Variants in PTPRD observed in about 807,000 individuals in gnomAD.
The protein encoded by PTPRD is receptor-type tyrosine-protein phosphatase delta.
A neutral mutation model predicts 214.5 loss-of-function variants in PTPRD; 34 were observed. The ratio of observed to expected loss-of-function variants is 0.16; its 90% CI spans 0.12 to 0.21. The LOEUF is 0.21. Among genes scored for constraint, PTPRD ranks in the 10% least tolerant of loss-of-function variants. PTPRD has a pLI of 1.00. For synonymous variants in PTPRD, 1,128 were observed against 845.7 expected, an observed-to-expected ratio of 1.33 and a Z score of -5.79; for missense variants, 2,545 against 2,398.7, an observed-to-expected ratio of 1.06 and a Z score of -1.27.
chr9:10,496,785 C>G (rs943225822), intron 2 of PTPRD, among the ~76,000 whole-genome samples: 1 of 151,990 alleles, frequency 6.6e-6, no homozygotes. Context: ...GGTACTTTGC[C>G]CACACTTTAA....
chr9:9,797,084 A>G (rs919222224), intron 5 of PTPRD, among the ~76,000 whole-genome samples: 3 of 151,972 alleles, frequency 2.0e-5, no homozygotes, highest in African/African-American at 7.3e-5. Context: ...ACTGTACTTT[A>G]AAGAAATACA....
At chr9:10,513,452 A>G (rs2048965369) in intron 2 of PTPRD, among the ~76,000 whole-genome samples, 1 of 152,116 alleles carries the variant, frequency 6.6e-6, no homozygotes, top group Non-Finnish European at 1.5e-5. Context: ...AAAGTGAGAG[A>G]AGAAATTGGG....
At chr9:9,419,808 G>C (rs1306497687) in intron 8 of PTPRD, among the ~76,000 whole-genome samples, 1 of 151,618 alleles carries the variant, frequency 6.6e-6, no homozygotes, top group Admixed American at 6.6e-5. Flanking sequence ...GTAATTATTA[G>C]ACTTTTGTAT....
At chr9:9,251,683 G>A (rs912292273) in intron 9 of PTPRD, among the ~76,000 whole-genome samples, 2 of 152,000 alleles carry the variant, frequency 1.3e-5, no homozygotes, top group African/African-American at 4.8e-5. Context: ...GATAAGAAGT[G>A]TCTTCTCTTC....
intron 4 of PTPRD, among the ~76,000 whole-genome samples, chr9:10,006,786 C>G (rs1450010127): frequency 2.0e-5 from 3 of 151,878 alleles, no homozygotes; most frequent in African/African-American, 7.2e-5. Flanking sequence ...CAAAGACTTA[C>G]TACAATCTAG....
chr9:9,139,412 C>T (rs1459582708), intron 10 of PTPRD, among the ~76,000 whole-genome samples: 3 of 152,170 alleles, frequency 2.0e-5, no homozygotes, highest in Admixed American at 2.0e-4. Context: ...GAAGACTTAA[C>T]TGTACTTACA....
chr9:8,523,262 C>T (rs958589036), intron 19 of PTPRD, among the ~76,000 whole-genome samples: 1 of 151,992 alleles, frequency 6.6e-6, no homozygotes. Flanking sequence ...GGAACACTGA[C>T]CAAGTTCACT....
At chr9:8,809,026 G>T (rs985939337) in intron 11 of PTPRD, among the ~76,000 whole-genome samples, 2 of 152,080 alleles carry the variant, frequency 1.3e-5, no homozygotes, top group African/African-American at 4.8e-5. Flanking sequence ...GAAAGTCAGA[G>T]ACCACTGTCC....
At chr9:8,934,670 T>A (rs1354658127) in intron 11 of PTPRD, among the ~76,000 whole-genome samples, 4 of 149,246 alleles carry the variant, frequency 2.7e-5, no homozygotes, top group African/African-American at 9.9e-5. Flanking sequence ...TACCCTAGAG[T>A]ATTATTAACT....
At chr9:8,692,854 A>C (rs1022148617) in intron 12 of PTPRD, among the ~76,000 whole-genome samples, 1 of 152,226 alleles carries the variant, frequency 6.6e-6, no homozygotes, top group African/African-American at 2.4e-5. Context: ...CTGTCAACTT[A>C]ATCCACAAGA....
At chr9:9,092,083 G>A (rs1377299266) in intron 10 of PTPRD, among the ~76,000 whole-genome samples, 2 of 152,102 alleles carry the variant, frequency 1.3e-5, no homozygotes, top group African/African-American at 2.4e-5. Context: ...ACATGGTGAA[G>A]GTTTATAATG....
chr9:9,927,752 T>A (rs1281243014), intron 5 of PTPRD, among the ~76,000 whole-genome samples: 4 of 152,194 alleles, frequency 2.6e-5, no homozygotes, highest in Non-Finnish European at 5.9e-5. Context: ...CTTAATATTG[T>A]TTGAAATATT....
rs144492608 is a variant in PTPRD at position 8,704,216 on chromosome 9, G to A, written c.64+29564C>T. Among the ~76,000 whole-genome samples the A allele has an allele frequency of 3.1e-3, 475 of 152,110 alleles. 1 individual carries two copies. Among genetic ancestry groups the A allele is most frequent in the Admixed American group, 3.4e-3 (52 of 15,270 alleles). ...CACACTCCACACCAGAGCCAGCAAC[G>A]TTGTGCAGGGTTGGCTGCCTTCCCC... On this transcript the variant is annotated intron_variant, in intron 12 of 45. Coordinates refer to ENST00000381196, the MANE Select transcript of PTPRD (RefSeq NM_002839.4).
At chr9:8,611,517 C>T (rs937945518) in intron 14 of PTPRD, among the ~76,000 whole-genome samples, 3 of 151,964 alleles carry the variant, frequency 2.0e-5, no homozygotes, top group East Asian at 3.9e-4. Context: ...CCAGCCTGGG[C>T]AACATGACAA....
chr9:10,457,753 A>G (rs767975492), intron 2 of PTPRD, among the ~76,000 whole-genome samples: 12 of 152,190 alleles, frequency 7.9e-5, no homozygotes, highest in Non-Finnish European at 1.8e-4. Context: ...ACACACTGTC[A>G]GTCAATAGAA....
chr9:9,906,687 T>A (rs891810066), intron 5 of PTPRD, among the ~76,000 whole-genome samples: 6 of 152,000 alleles, frequency 3.9e-5, no homozygotes, highest in African/African-American at 1.4e-4. Flanking sequence ...TAGAATGTAT[T>A]ATATGTAGAC....
chr9:9,608,367 A>G (rs895530744), intron 7 of PTPRD, among the ~76,000 whole-genome samples: 2 of 152,164 alleles, frequency 1.3e-5, no homozygotes, highest in Non-Finnish European at 2.9e-5. Context: ...TCTTTGTTAA[A>G]CCTTTTAATA....
chr9:8,343,988 A>G (rs1009702637), intron 39 of PTPRD, among the ~76,000 whole-genome samples: 1 of 152,066 alleles, frequency 6.6e-6, no homozygotes, highest in Non-Finnish European at 1.5e-5. Context: ...AGGAATAAAG[A>G]GACAGGAAAA....
chr9:8,605,998 G>A lies in PTPRD; in HGVS notation c.352+27319C>T, dbSNP rs193173492. On this transcript the variant is annotated intron_variant, in intron 14 of 45. Coordinates refer to ENST00000381196, the MANE Select transcript of PTPRD (RefSeq NM_002839.4). ...GTGTCGAGGGGTGGGGATGTACATC[G>A]TATACTATATCATCCTAAAGAACCT... Among the ~76,000 whole-genome samples the A allele has an allele frequency of 2.6e-4, 39 of 152,072 alleles. No homozygotes were observed. The East Asian group carries it at 6.8e-3, about 26-fold the overall frequency.
Sources: gnomAD v4.1 joint callset for allele counts (sites outside exome capture counted in the v4.1 genomes callset) on GRCh38, gnomAD v4.1.1 for gene constraint, MANE v1.5 for transcripts, NCBI Gene and HGNC (gene_info 2026-07-23, HGNC 2026-07-21) for gene names.